SAMD3: variants seen among roughly 807,000 people sequenced by gnomAD.
The protein encoded by SAMD3 is sterile alpha motif domain containing 3, also known as sterile alpha motif domain-containing protein 3.
A neutral mutation model predicts 58.5 loss-of-function variants in SAMD3; 63 were observed. The ratio of observed to expected loss-of-function variants is 1.08; its 90% CI spans 0.88 to 1.33. SAMD3 has a LOEUF of 1.33. Ranked by LOEUF, SAMD3 falls within the 40% of genes most tolerant of loss-of-function variation. The pLI, the probability that SAMD3 is intolerant of heterozygous loss-of-function variation, is 0.00. For synonymous variants in SAMD3, 220 were observed against 210.3 expected (o/e 1.05, Z -0.40); for missense variants, 604 against 608.4 (o/e 0.99, Z 0.08).
intron 7 of SAMD3, among the ~76,000 whole-genome samples, chr6:130,179,710 G>T (rs1308268312): frequency 2.6e-5 from 4 of 151,484 alleles, no homozygotes; most frequent in Non-Finnish European, 5.9e-5. Context: ...TGAAAAATTG[G>T]AGAAATGTGA....
At chr6:130,268,882 C>A (rs1334234458) in intron 2 of SAMD3, among the ~76,000 whole-genome samples, 1 of 152,120 alleles carries the variant, frequency 6.6e-6, no homozygotes, top group Non-Finnish European at 1.5e-5. Flanking sequence ...ATGTGATTTT[C>A]CCAATATTTC....
intron 9 of SAMD3, among the ~76,000 whole-genome samples, chr6:130,148,024 C>G (rs1054001702): frequency 6.6e-6 from 1 of 152,128 alleles, no homozygotes; most frequent in African/African-American, 2.4e-5. Context: ...GGTTTTTCCA[C>G]GTAAAATTAA....
chr6:130,290,542 GC>G (rs1159830136), intron 2 of SAMD3, among the ~76,000 whole-genome samples: 3 of 152,154 alleles, frequency 2.0e-5, no homozygotes, highest in African/African-American at 7.2e-5. Context: ...GGGTACAATT[GC>G]CTAGCCTAGT....
At chr6:130,243,175 C>G (rs1773424558) in intron 2 of SAMD3, among the ~76,000 whole-genome samples, 1 of 152,200 alleles carries the variant, frequency 6.6e-6, no homozygotes, top group African/African-American at 2.4e-5. Flanking sequence ...AATTATGTCT[C>G]TACTGGAATC....
At position 130,246,620 on chromosome 6, in the gene SAMD3, C is replaced by T. The variant is rs551150756; in HGVS notation, c.-187-23807G>A. On this transcript the variant is annotated intron_variant, in intron 2 of 13. Transcript: ENST00000368134. ...AGCATATACAAATGCACAGTTTGGC[C>T]GGGCTCATGCTTATAATCCCAGCAC... is the stretch of plus-strand genomic sequence containing the variant. Among the ~76,000 whole-genome samples, 9 of 152,076 alleles carry T rather than the reference C, an allele frequency of 5.9e-5. No individual in the cohort carries two copies. The South Asian group carries it at 1.2e-3, about 21-fold the overall frequency.
chr6:130,180,682 T>C (rs1393946205), intron 7 of SAMD3, among the ~76,000 whole-genome samples: 2 of 152,152 alleles, frequency 1.3e-5, no homozygotes, highest in East Asian at 3.9e-4. Flanking sequence ...TTCTGTAGTG[T>C]GCTTACTTTA....
intron 5 of SAMD3, among the ~76,000 whole-genome samples, chr6:130,196,898 G>T (rs1312850559): frequency 6.6e-6 from 1 of 152,158 alleles, no homozygotes; most frequent in Non-Finnish European, 1.5e-5. Context: ...TAATTCCTCA[G>T]TTTAGCCTTC....
At chr6:130,215,849 G>C (rs1400533638) in intron 2 of SAMD3, 6 of 1,534,416 alleles carry the variant, frequency 3.9e-6, no homozygotes, top group Non-Finnish European at 5.2e-6. Context: ...GCTTCTCATT[G>C]TTTTCCGTTA....
At chr6:130,323,868 ATG>A (rs1287074705) in intron 1 of SAMD3, among the ~76,000 whole-genome samples, 13 of 150,916 alleles carry the variant, frequency 8.6e-5, no homozygotes, top group Non-Finnish European at 1.5e-5. Flanking sequence ...AGGGCAGAAA[ATG>A]TGTCTTCTGG....
At chr6:130,271,392 T>A (rs189578545) in intron 2 of SAMD3, among the ~76,000 whole-genome samples, 25 of 152,326 alleles carry the variant, frequency 1.6e-4, no homozygotes, top group African/African-American at 5.8e-4. Flanking sequence ...TTTGATTGGG[T>A]TAAAATGTTT....
At chr6:130,249,827 T>A (rs1037527679) in intron 2 of SAMD3, among the ~76,000 whole-genome samples, 3 of 152,002 alleles carry the variant, frequency 2.0e-5, no homozygotes, top group African/African-American at 7.3e-5. Context: ...GAACGTGACA[T>A]AATACTGAAG....
chr6:130,252,494 T>C (rs763007188), intron 2 of SAMD3, among the ~76,000 whole-genome samples: 14 of 152,214 alleles, frequency 9.2e-5, no homozygotes, highest in Non-Finnish European at 1.6e-4. Flanking sequence ...ACCAAGTAGC[T>C]GCAAATAGCT....
rs1453153902 is a variant in SAMD3, at chr6:130,205,557, G to GGTGGGGTGGGATTA, written c.383+3937_383+3938insTAATCCCACCCCAC. Among the ~76,000 whole-genome samples, 313 of 152,230 alleles carry GGTGGGGTGGGATTA rather than the reference G, an allele frequency of 2.1e-3. 2 individuals are homozygous for GGTGGGGTGGGATTA. Among genetic ancestry groups the GGTGGGGTGGGATTA allele is most frequent in the South Asian group, 0.021 (99 of 4,826 alleles). Reference sequence around the variant, plus strand: ...GACCTCAGGTGATCCACCCACCTCAGCCTCCCAGAGTGCTGGGATTACAGG... The same window carrying GGTGGGGTGGGATTA: ...GACCTCAGGTGATCCACCCACCTCAGGTGGGGTGGGATTACCTCCCAGAGTGCTGGGATTACAGG... On this transcript the variant is annotated intron_variant, in intron 5 of 11. Transcript: ENST00000439090.
At chr6:130,212,501 G>A (rs575122311) in intron 4 of SAMD3, among the ~76,000 whole-genome samples, 42 of 152,330 alleles carry the variant, frequency 2.8e-4, no homozygotes, top group Middle Eastern at 6.8e-3. Flanking sequence ...CAGTCTAGGA[G>A]AAAAAGGACA....
upstream of SAMD3, among the ~76,000 whole-genome samples, chr6:130,225,446 A>T (rs1170012384): frequency 6.6e-6 from 1 of 152,242 alleles, no homozygotes; most frequent in Non-Finnish European, 1.5e-5. Context: ...GGTGAGTTTC[A>T]AGCTTTAAAA....
At chr6:130,308,380 A>G (rs1775996724) in intron 2 of SAMD3, among the ~76,000 whole-genome samples, 1 of 135,036 alleles carries the variant, frequency 7.4e-6, no homozygotes, top group Admixed American at 7.6e-5. Context: ...ATTCTATTCT[A>G]TTCTATTCTA....
intron 1 of SAMD3, among the ~76,000 whole-genome samples, chr6:130,357,416 A>G (rs957031646): frequency 2.6e-5 from 4 of 151,390 alleles, no homozygotes; most frequent in Admixed American, 1.3e-4. Flanking sequence ...GAGCCACCAC[A>G]CCCGGCCGGC....
At chr6:130,250,551 A>G (rs144982510) in intron 2 of SAMD3, among the ~76,000 whole-genome samples, 88 of 152,296 alleles carry the variant, frequency 5.8e-4, no homozygotes, top group African/African-American at 1.9e-3. Flanking sequence ...CCCCAAAAAG[A>G]AACTGCATAG....
At chr6:130,216,735 A>G (rs1415801426) in intron 1 of SAMD3, 119 bp from the exon 2 acceptor site, 1 of 152,226 alleles carries the variant, frequency 6.6e-6, no homozygotes, top group Non-Finnish European at 1.5e-5. Flanking sequence ...GAATTTCAGC[A>G]GTGGATTTAA....
Sources: gnomAD v4.1 joint callset for allele counts (sites outside exome capture counted in the v4.1 genomes callset) on GRCh38, gnomAD v4.1.1 for gene constraint, MANE v1.5 for transcripts, NCBI Gene and HGNC (gene_info 2026-07-23, HGNC 2026-07-21) for gene names.